Variants in CEP120 observed in about 807,000 individuals in gnomAD.
The protein encoded by CEP120 is centrosomal protein of 120 kDa.
A neutral mutation model predicts 126.5 loss-of-function variants in CEP120; 113 were observed. The ratio of observed to expected loss-of-function variants is 0.89; its 90% CI spans 0.77 to 1.04. The LOEUF is 1.04. Ranked by LOEUF, CEP120 falls within the 50% of genes least tolerant of loss-of-function variation. CEP120 has a pLI of 0.00. For synonymous variants in CEP120, 400 were observed against 394.3 expected, an observed-to-expected ratio of 1.01 and a Z score of -0.17; for missense variants, 1,230 against 1,155.7, an observed-to-expected ratio of 1.06 and a Z score of -0.93.
chr5:123,401,178 G>A (rs867992069), intron 4 of CEP120: 1 of 1,611,936 alleles, frequency 6.2e-7, no homozygotes, highest in African/African-American at 1.3e-5. Flanking sequence ...CTTGTAGGTG[G>A]CGATCTCGAT....
At chr5:123,379,045 A>T (rs529260210) in intron 14 of CEP120, among the ~76,000 whole-genome samples, 1 of 152,202 alleles carries the variant, frequency 6.6e-6, no homozygotes, top group Admixed American at 6.6e-5. Flanking sequence ...CAAAAAAAAA[A>T]TATAGTCAAA....
intron 17 of CEP120, among the ~76,000 whole-genome samples, chr5:123,370,735 AATGT>A (rs1187529610): frequency 2.1e-4 from 31 of 147,122 alleles, no homozygotes; most frequent in African/African-American, 5.5e-4. Flanking sequence ...ACACATATAT[AATGT>A]ATGTATTATA....
chr5:123,392,017 T>C (rs1772439080), intron 6 of CEP120, among the ~76,000 whole-genome samples: 3 of 152,130 alleles, frequency 2.0e-5, no homozygotes. Flanking sequence ...TCCCTTACTA[T>C]ATTGAAGCCT....
intron 17 of CEP120, among the ~76,000 whole-genome samples, chr5:123,371,556 T>G (rs1770855888): frequency 6.6e-6 from 1 of 152,036 alleles, no homozygotes; most frequent in Non-Finnish European, 1.5e-5. Flanking sequence ...AGCCAAACTA[T>G]ATCAGTGCCC....
intron 14 of CEP120, among the ~76,000 whole-genome samples, chr5:123,380,854 CACTT>C (rs1320941544): frequency 6.6e-6 from 1 of 152,032 alleles, no homozygotes; most frequent in South Asian, 2.1e-4. Flanking sequence ...ATATGAAACT[CACTT>C]AATAACAGGA....
chr5:123,399,030 T>TG (rs547152106), intron 5 of CEP120, 106 bp downstream of exon 5: 1 of 638,940 alleles, frequency 1.6e-6, no homozygotes, highest in East Asian at 3.6e-5. Flanking sequence ...TTTCAAAAGT[T>TG]AAAAAAAAAA....
chr5:123,350,706 T>A (rs1228345094), intron 18 of CEP120, among the ~76,000 whole-genome samples: 1 of 152,224 alleles, frequency 6.6e-6, no homozygotes, highest in African/African-American at 2.4e-5. Context: ...GCCTTTCCAC[T>A]CTGTTCTCCA....
At chr5:123,411,917 C>T (rs1410808129) in intron 4 of CEP120, among the ~76,000 whole-genome samples, 1 of 152,128 alleles carries the variant, frequency 6.6e-6, no homozygotes, top group East Asian at 1.9e-4. Context: ...GGCATGTTGA[C>T]AGCAAGAGAG....
At position 123,378,542 on chromosome 5, in the gene CEP120, G is replaced by A. The variant is rs991910635; in HGVS notation, c.2104-114C>T. On this transcript the variant is annotated intron_variant, in intron 14 of 19. Transcript: ENST00000306467. ...ACTGAAACAGAGGACCTAAGAATAG[G>A]AAAGTCACAAATTACATCCGCCAAT... is the stretch of plus-strand genomic sequence containing the variant. 14 of 524,100 alleles carry A rather than the reference G, an allele frequency of 2.7e-5. No homozygotes were observed. The African/African-American group carries it at 2.8e-4, about 11-fold the overall frequency. The allele number at this position is 524,100 out of a possible 1,614,324, so 32.5% of individuals were successfully genotyped here.
At chr5:123,385,769 A>C (rs1483703090) in intron 10 of CEP120, among the ~76,000 whole-genome samples, 2 of 151,866 alleles carry the variant, frequency 1.3e-5, no homozygotes, top group Non-Finnish European at 2.9e-5. Flanking sequence ...GGTGCTGGCT[A>C]ATTTTTGTAT....
At chr5:123,357,709 GAATAC>G (rs796518832) in intron 18 of CEP120, among the ~76,000 whole-genome samples, 71 of 152,206 alleles carry the variant, frequency 4.7e-4, no homozygotes, top group African/African-American at 1.7e-3. Flanking sequence ...AGTGAACTGT[GAATAC>G]ACCACTGCCC....
rs75647103 is a variant in CEP120 at position 123,404,837 on chromosome 5, T to C, written c.464-5553A>G. 2.3e-4 allele frequency among the ~76,000 whole-genome samples: 35 copies of C among 152,356 alleles called. No homozygotes were observed. The East Asian group carries it at 5.2e-3, about 23-fold the overall frequency. On this transcript the variant is annotated intron_variant, in intron 4 of 19. Coordinates refer to ENST00000306467, the MANE Select transcript of CEP120 (RefSeq NM_001375405.1). Reference sequence around the variant, plus strand: ...CAATTGTATGATTTCAATTTCACTATTTGTTTCTCTCACTTCCAGAAGACA... The same window carrying C: ...CAATTGTATGATTTCAATTTCACTACTTGTTTCTCTCACTTCCAGAAGACA...
At chr5:123,369,321 CACCTTACT>C (rs1770689259) in intron 17 of CEP120, among the ~76,000 whole-genome samples, 1 of 151,990 alleles carries the variant, frequency 6.6e-6, no homozygotes, top group Non-Finnish European at 1.5e-5. Context: ...TCAACCTTAT[CACCTTACT>C]ACCTCCATTT....
At chr5:123,417,638 A>T (rs1025922623) in intron 2 of CEP120, among the ~76,000 whole-genome samples, 2 of 152,064 alleles carry the variant, frequency 1.3e-5, no homozygotes, top group East Asian at 3.8e-4. Flanking sequence ...AGAAATTACA[A>T]GGAATTCCAA....
intron 16 of CEP120, among the ~76,000 whole-genome samples, chr5:123,373,978 T>G (rs1283465294): frequency 6.6e-5 from 10 of 151,778 alleles, no homozygotes; most frequent in Non-Finnish European, 1.5e-4. Context: ...CCCAGCCCAA[T>G]GTAATGAAAA....
In CEP120 at chr5:123,389,983, G is replaced by A. The variant is rs751164300; in HGVS notation, c.1196C>T (p.Ala399Val). 3 of 1,614,072 alleles carry A rather than the reference G, an allele frequency of 1.9e-6. No homozygotes were observed. The South Asian group carries it at 3.3e-5, about 18-fold the overall frequency. ...HNQSPPTKDD[A>V]TESEVESLQY... Reference sequence around the variant, plus strand: ...TAAACTTTCCACTTCACTTTCTGTTGCATCATCTTTTGTTGGAGGTGACTG... The same window carrying A: ...TAAACTTTCCACTTCACTTTCTGTTACATCATCTTTTGTTGGAGGTGACTG... The change falls in exon 8 of 20, where the codon GCA becomes GTA. Residue 399 changes from alanine to valine, a missense_variant. By Grantham distance (64) the Ala-to-Val change is moderately conservative (BLOSUM62 0). Coordinates refer to ENST00000306467, the MANE Select transcript of CEP120 (RefSeq NM_001375405.1).
intron 1 of CEP120, chr5:123,422,425 C>A: frequency 8.2e-7 from 1 of 1,223,580 alleles, no homozygotes; most frequent in South Asian, 1.3e-5. Context: ...GTCTGACACT[C>A]AATGAGTCCC....
At chr5:123,380,846 A>AT (rs1562036742) in intron 14 of CEP120, among the ~76,000 whole-genome samples, 1 of 152,138 alleles carries the variant, frequency 6.6e-6, no homozygotes, top group Non-Finnish European at 1.5e-5. Flanking sequence ...ATTACTTAAT[A>AT]TGAAACTCAC....
At chr5:123,376,038 T>C (rs1177955756) in intron 16 of CEP120, among the ~76,000 whole-genome samples, 1 of 151,884 alleles carries the variant, frequency 6.6e-6, no homozygotes, top group Non-Finnish European at 1.5e-5. Context: ...TATTATGTGC[T>C]GACAACTGGC....
Sources: allele counts gnomAD v4.1 joint callset (sites outside exome capture counted in the v4.1 genomes callset), GRCh38; gene constraint gnomAD v4.1.1; transcripts MANE v1.5; gene names NCBI Gene and HGNC (gene_info 2026-07-23, HGNC 2026-07-21).